Variants in COG3 observed in about 807,000 individuals in gnomAD.
COG3 encodes the protein component of oligomeric golgi complex 3.
In COG3, 32 loss-of-function variants were observed where a neutral mutation model predicts 114.1. That is an observed-to-expected ratio of 0.28 (90% confidence interval 0.21 to 0.38). The LOEUF (loss-of-function observed/expected upper bound fraction) is 0.38, where lower values mean the gene tolerates loss of function less well. COG3 is among the 10% of genes least tolerant of loss of function. The probability of loss-of-function intolerance (pLI) is 1.00; values close to 1 mark genes in which losing one functional copy is unlikely to be tolerated. For synonymous variants in COG3, 352 were observed against 365.7 expected (o/e 0.96, Z 0.43); for missense variants, 813 against 973.2 (o/e 0.84, Z 2.19).
chr13:45,468,570 T>C (rs1175051497), intron 1 of COG3, among the ~76,000 whole-genome samples: 1 of 152,204 alleles, frequency 6.6e-6, no homozygotes, highest in East Asian at 1.9e-4. Flanking sequence ...ATTGATCAGA[T>C]TGATTATAAA....
At position 45,521,577 on chromosome 13, in the gene COG3, GCACA is replaced by G. The variant is rs3084002; in HGVS notation, c.2154+2505_2154+2508del. Among the ~76,000 whole-genome samples, 216 of 148,442 alleles carry G rather than the reference GCACA, an allele frequency of 1.5e-3. 2 individuals carry two copies. Among genetic ancestry groups the G allele is most frequent in the African/African-American group, 2.4e-3 (96 of 40,662 alleles). ...GAGTCAGAGACAAAGATACATACGT[GCACA>G]CACACACACACACACACACACGCAA... On this transcript the variant is annotated intron_variant, in intron 19 of 22. Coordinates refer to ENST00000349995, the MANE Select transcript of COG3 (RefSeq NM_031431.4).
At position 45,467,271 on chromosome 13, in the gene COG3, C is replaced by T. The variant is rs9562604; in HGVS notation, c.174+2061C>T. ...TTCAGTGAGGGTCTTCTGGTACGTG[C>T]AGCTTGGTATTGGATTCCTGTGAGA... On this transcript the variant is annotated intron_variant, in intron 1 of 22. Transcript: ENST00000349995. Among the ~76,000 whole-genome samples the T allele has an allele frequency of 9.2e-5, 14 of 152,276 alleles. No homozygotes were observed. In the East Asian group the frequency reaches 2.7e-3, roughly 29 times the overall value.
At chr13:45,525,179 C>A in intron 20 of COG3, 128 bp downstream of exon 20, 1 of 622,182 alleles carries the variant, frequency 1.6e-6, no homozygotes, top group Non-Finnish European at 2.7e-6. Flanking sequence ...TGAGTTAATG[C>A]AGGATTCAAT....
chr13:45,493,407 T>A lies in COG3; in HGVS notation c.1248T>A (p.His416Gln). The A allele has an allele frequency of 6.2e-7, 1 of 1,613,344 alleles. No homozygotes were observed. Among genetic ancestry groups the A allele is most frequent in the Non-Finnish European group, 8.5e-7 (1 of 1,179,432 alleles). The change falls in exon 12 of 23, where the codon CAT (histidine) becomes CAA (glutamine). Residue 416 changes from histidine to glutamine, a missense_variant. Transcript: ENST00000349995. ...ATGTCTTCAGGCCATTGATCATTCA[T>A]GTTATTCACTTAGAGACTCTGTCGG... ...LYDVFRPLII[H>Q]VIHLETLSEL...
chr13:45,530,796 A>T lies in COG3; in HGVS notation c.2457+16A>T. The T allele has an allele frequency of 6.2e-7, 1 of 1,606,154 alleles. No individual in the cohort carries two copies. Among genetic ancestry groups the T allele is most frequent in the Non-Finnish European group, 8.5e-7 (1 of 1,173,460 alleles). ...TATGGAACAGGTAATGGGTAGACTG[A>T]AGATCCTTATTACTTTTATGCCCTC... On this transcript the variant is annotated intron_variant, in intron 22 of 22. Transcript: ENST00000349995.
intron 16 of COG3, among the ~76,000 whole-genome samples, chr13:45,515,034 C>G (rs1871395423): frequency 6.6e-6 from 1 of 152,214 alleles, no homozygotes; most frequent in Non-Finnish European, 1.5e-5. Flanking sequence ...ATTGTTCTTA[C>G]ATACTTAAAC....
At chr13:45,471,782 G>T (rs1885505206) in intron 1 of COG3, among the ~76,000 whole-genome samples, 1 of 151,902 alleles carries the variant, frequency 6.6e-6, no homozygotes, top group Non-Finnish European at 1.5e-5. Flanking sequence ...GCCCAGGCTG[G>T]AGTGCAATGG....
intron 8 of COG3, among the ~76,000 whole-genome samples, chr13:45,489,262 C>CAAAAAAAAAAAAAAA (rs377551623): frequency 1.1e-4 from 5 of 43,598 alleles, no homozygotes; most frequent in Non-Finnish European, 1.9e-4. Context: ...GACCCAGCCT[C>CAAAAAAAAAAAAAAA]AAAAAAAAAA....
Position 45,534,738 on chromosome 13 carries a change from C to A in COG3, c.*7C>A. ...GCTGTTGGTTTCTAAATAAGCAGGC[C>A]AGCCGGGCTGTGCACCTAAATGTCT... On this transcript the variant is annotated 3_prime_UTR_variant, in exon 23 of 23. Transcript: ENST00000349995. The A allele has an allele frequency of 6.4e-7, 1 of 1,557,884 alleles. No individual in the cohort carries two copies. Among genetic ancestry groups the A allele is most frequent in the East Asian group, 2.4e-5 (1 of 42,216 alleles).
At chr13:45,521,872 G>A (rs1255722239) in intron 19 of COG3, among the ~76,000 whole-genome samples, 1 of 144,598 alleles carries the variant, frequency 6.9e-6, no homozygotes, top group Non-Finnish European at 1.5e-5. Context: ...GCACGATCTC[G>A]GCTCACTGCA....
In COG3 at chr13:45,532,803, C is replaced by T. The variant is rs189532597; in HGVS notation, c.2458-1899C>T. Among the ~76,000 whole-genome samples, 193 of 151,944 alleles carry T rather than the reference C, an allele frequency of 1.3e-3. 1 individual carries two copies. Among genetic ancestry groups the T allele is most frequent in the Non-Finnish European group, 4.6e-4 (31 of 67,962 alleles). On this transcript the variant is annotated intron_variant, in intron 22 of 22. Coordinates refer to ENST00000349995, the MANE Select transcript of COG3 (RefSeq NM_031431.4). ...CGATCTGCTGACCGCGTGATCCACC[C>T]GCCTCAGCCTCCCAAAGTGCTGGGA...
At chr13:45,499,651 G>A (rs771846583) in intron 13 of COG3, among the ~76,000 whole-genome samples, 1 of 152,204 alleles carries the variant, frequency 6.6e-6, no homozygotes, top group Non-Finnish European at 1.5e-5. Context: ...CTTAATGCTG[G>A]TAGTCATATG....
intron 16 of COG3, among the ~76,000 whole-genome samples, chr13:45,515,416 T>C (rs1333746190): frequency 6.6e-6 from 1 of 152,266 alleles, no homozygotes. Context: ...AGATTCTGCC[T>C]TGAGTAACAG....
chr13:45,476,505 C>T (rs568966046), intron 2 of COG3, among the ~76,000 whole-genome samples, 158 bp downstream of exon 2: 9 of 152,154 alleles, frequency 5.9e-5, no homozygotes, highest in South Asian at 4.1e-4. Flanking sequence ...TGGCTGTTTA[C>T]GTGTTTTAAA....
rs1167597078 is a variant in COG3, at chr13:45,518,754, T to C, written c.1931-8T>C. The C allele has an allele frequency of 6.2e-7, 1 of 1,607,302 alleles. No individual in the cohort carries two copies. The highest frequency in any genetic ancestry group is 1.1e-5 in the South Asian group (1 of 90,160). Reference sequence around the variant, plus strand: ...CATGTTCACTGGATGAGTAATTTTGTTTCACAGATGCAGCATTTAAAATCC... The same window carrying C: ...CATGTTCACTGGATGAGTAATTTTGCTTCACAGATGCAGCATTTAAAATCC... On this transcript the variant is annotated splice_region_variant and splice_polypyrimidine_tract_variant and intron_variant, in intron 17 of 22. Transcript: ENST00000349995.
At chr13:45,508,399 TATATACAC>T (rs1245357063) in intron 14 of COG3, among the ~76,000 whole-genome samples, 1 of 99,232 alleles carries the variant, frequency 1.0e-5, no homozygotes, top group African/African-American at 5.3e-5. Context: ...TATATATATA[TATATACAC>T]ACACACACAC....
At position 45,509,673 on chromosome 13, in the gene COG3, T is replaced by G; in HGVS notation, c.1595-19T>G. The G allele has an allele frequency of 6.2e-7, 1 of 1,612,226 alleles. No individual in the cohort carries two copies. Among genetic ancestry groups the G allele is most frequent in the Non-Finnish European group, 8.5e-7 (1 of 1,178,978 alleles). ...ATCCACATGTGTGAAATGTGTCTTC[T>G]TTTCCACTTGGGTTTTAGGTTCAAC... On this transcript the variant is annotated intron_variant, in intron 14 of 22. Transcript: ENST00000349995.
At chr13:45,474,828 A>T (rs967951588) in intron 1 of COG3, among the ~76,000 whole-genome samples, 15 of 152,210 alleles carry the variant, frequency 9.9e-5, no homozygotes, top group African/African-American at 3.4e-4. Flanking sequence ...TCTTATATCA[A>T]TGGACCTTAA....
Position 45,465,183 on chromosome 13 carries a change from G to T in COG3, c.147G>T (p.Ala49=). The part of the protein sequence containing the change: ...QTDSVLELKA[A]AENLPVPAEL... ...ACTCGGTATTGGAGCTGAAGGCGGC[G>T]GCAGAGAACTTGCCGGTGCCAGCTG... Residue 49 remains alanine (A), a synonymous_variant, in exon 1 of 23, where the codon GCG becomes GCT. Transcript: ENST00000349995. The T allele has an allele frequency of 6.2e-7, 1 of 1,613,694 alleles. No homozygotes were observed. The highest frequency in any genetic ancestry group is 8.5e-7 in the Non-Finnish European group (1 of 1,179,906).
Sources: gnomAD v4.1 joint callset for allele counts (sites outside exome capture counted in the v4.1 genomes callset) on GRCh38, gnomAD v4.1.1 for gene constraint, MANE v1.5 for transcripts, NCBI Gene and HGNC (gene_info 2026-07-23, HGNC 2026-07-21) for gene names.